TMEM132D: variants seen among roughly 807,000 people sequenced by gnomAD.
TMEM132D encodes the protein transmembrane protein 132D.
A neutral mutation model predicts 62.3 loss-of-function variants in TMEM132D; 21 were observed. The observed-to-expected ratio is 0.34, with a 90% confidence interval of 0.24 to 0.49. The LOEUF (loss-of-function observed/expected upper bound fraction) is 0.49, where lower values mean the gene tolerates loss of function less well. TMEM132D is among the 20% of genes least tolerant of loss of function. TMEM132D has a pLI of 0.99. For synonymous variants in TMEM132D, 621 were observed against 575.6 expected, an observed-to-expected ratio of 1.08 and a Z score of -1.13; for missense variants, 1,346 against 1,402.8, an observed-to-expected ratio of 0.96 and a Z score of 0.65.
intron 3 of TMEM132D, among the ~76,000 whole-genome samples, chr12:129,492,713 A>G (rs1874836050): frequency 6.6e-6 from 1 of 152,036 alleles, no homozygotes; most frequent in Non-Finnish European, 1.5e-5. Context: ...TCTTCTTTGT[A>G]TTTGTTTTGG....
chr12:129,142,536 TTA>T (rs1876775327), intron 5 of TMEM132D, among the ~76,000 whole-genome samples: 1 of 152,218 alleles, frequency 6.6e-6, no homozygotes, highest in Non-Finnish European at 1.5e-5. Flanking sequence ...GTGATTCTAA[TTA>T]TATGTTTAGA....
In TMEM132D at chr12:129,724,801, G is replaced by T. The variant is rs144223700; in HGVS notation, c.80-24103C>A. On this transcript the variant is annotated intron_variant, in intron 1 of 8. Coordinates refer to ENST00000422113, the MANE Select transcript of TMEM132D (RefSeq NM_133448.3). The stretch of plus-strand genomic sequence containing the variant: ...GCCTCCTAAAGTGCTGGGATTACAG[G>T]CATGAGCCACCGTGCCTGGCCTTGT... Among the ~76,000 whole-genome samples the T allele has an allele frequency of 7.2e-3, 1,090 of 152,280 alleles. 17 individuals carry two copies. Among genetic ancestry groups the T allele is most frequent in the African/African-American group, 0.025 (1,022 of 41,546 alleles).
intron 1 of TMEM132D, chr12:129,840,143 A>T (rs1873144491): frequency 6.6e-6 from 1 of 152,242 alleles, no homozygotes; most frequent in South Asian, 2.1e-4. Context: ...TATAAATCAA[A>T]GCTCTGTTTT....
intron 3 of TMEM132D, among the ~76,000 whole-genome samples, chr12:129,384,733 A>G (rs755940200): frequency 1.1e-4 from 17 of 152,156 alleles, no homozygotes; most frequent in Non-Finnish European, 1.9e-4. Context: ...TCTGCATTCA[A>G]ACACAGTCTC....
chr12:129,241,134 T>G (rs913279898), intron 4 of TMEM132D, among the ~76,000 whole-genome samples: 1 of 143,038 alleles, frequency 7.0e-6, no homozygotes, highest in Non-Finnish European at 1.5e-5. Context: ...CTTACCATGC[T>G]TCAGCCCTCT....
rs570460293 is a variant in TMEM132D at position 129,195,552 on chromosome 12, A to G, written c.1443+13968T>C. ...AAAGCAACAAGGAGAAGCTCATAGG[A>G]AATTCATATTACCTTGTGACCCTGA... On this transcript the variant is annotated intron_variant, in intron 5 of 8. Coordinates refer to ENST00000422113, the MANE Select transcript of TMEM132D (RefSeq NM_133448.3). Among the ~76,000 whole-genome samples, 61 of 152,226 alleles carry G rather than the reference A, an allele frequency of 4.0e-4. No individual in the cohort carries two copies. The South Asian group carries it at 7.3e-3, about 18-fold the overall frequency.
intron 1 of TMEM132D, among the ~76,000 whole-genome samples, chr12:129,785,457 G>A (rs540524191): frequency 8.5e-5 from 13 of 152,324 alleles, no homozygotes; most frequent in African/African-American, 2.9e-4. Flanking sequence ...TGAGGATCAC[G>A]TAGCGCACAG....
chr12:129,832,726 C>T (rs11612851), intron 1 of TMEM132D, among the ~76,000 whole-genome samples: 96,404 of 152,012 alleles, frequency 0.63, 31,421 homozygotes, highest in Middle Eastern at 0.75. Flanking sequence ...TGTTCCATTC[C>T]GCCCGTCACT....
chr12:129,159,950 C>T (rs1383050653), intron 5 of TMEM132D, among the ~76,000 whole-genome samples: 1 of 151,892 alleles, frequency 6.6e-6, no homozygotes, highest in Non-Finnish European at 1.5e-5. Flanking sequence ...CTCATCTCTC[C>T]GTGAAGTAAG....
rs74816606 is a variant in TMEM132D, at chr12:129,447,941, G to A, written c.1115+83118C>T. Among the ~76,000 whole-genome samples, 321 of 152,272 alleles carry A rather than the reference G, an allele frequency of 2.1e-3. 7 individuals are homozygous for A. In the East Asian group the frequency reaches 0.059, roughly 28 times the overall value. On this transcript the variant is annotated intron_variant, in intron 3 of 8. Coordinates refer to ENST00000422113, the MANE Select transcript of TMEM132D (RefSeq NM_133448.3). Reference sequence around the variant, plus strand: ...TCTTTCAGCCTCCAGCAAACAGTGAGTGCTTGACAACAAGAATTATGTCTT... The same window carrying A: ...TCTTTCAGCCTCCAGCAAACAGTGAATGCTTGACAACAAGAATTATGTCTT...
chr12:129,810,777 G>GA (rs1872149475), intron 1 of TMEM132D, among the ~76,000 whole-genome samples: 2 of 152,198 alleles, frequency 1.3e-5, no homozygotes, highest in African/African-American at 4.8e-5. Context: ...ATAGGTTGAA[G>GA]AAAAAACATA....
chr12:129,110,802 C>A (rs1875674207), intron 5 of TMEM132D: 1 of 152,342 alleles, frequency 6.6e-6, no homozygotes, highest in Non-Finnish European at 1.5e-5. Context: ...TGAACAAGCA[C>A]CTTCAGTGAG....
At chr12:129,581,741 T>C (rs1426406557) in intron 2 of TMEM132D, among the ~76,000 whole-genome samples, 2 of 152,210 alleles carry the variant, frequency 1.3e-5, no homozygotes, top group Admixed American at 6.5e-5. Flanking sequence ...TCCTAGTCCA[T>C]TGACTCAAAT....
chr12:129,337,441 G>GCACGCACACACACACACA (rs1555248616), intron 4 of TMEM132D, among the ~76,000 whole-genome samples, 193 bp downstream of exon 4: 1 of 148,112 alleles, frequency 6.8e-6, no homozygotes, highest in East Asian at 2.0e-4. Flanking sequence ...ATACACACAC[G>GCACGCACACACACACACA]CACACACACA....
Position 129,867,716 on chromosome 12 carries a change from T to C in TMEM132D, c.79+35545A>G, listed in dbSNP as rs1160968332. On this transcript the variant is annotated intron_variant, in intron 1 of 8. Transcript: ENST00000422113. This position sits in a 1 kb window ranked among gnomAD's most constrained non-coding sequence, Gnocchi z 4.5. ...TGTATACATACAGCAAATCATCAAA[T>C]TGTACATCTTCAATAGATACAATTT... Among the ~76,000 whole-genome samples the C allele has an allele frequency of 6.6e-6, 1 of 152,218 alleles. No homozygotes were observed. Among genetic ancestry groups the C allele is most frequent in the African/African-American group, 2.4e-5 (1 of 41,452 alleles).
At chr12:129,382,332 T>C (rs371333172) in intron 3 of TMEM132D, among the ~76,000 whole-genome samples, 6 of 152,208 alleles carry the variant, frequency 3.9e-5, no homozygotes, top group East Asian at 3.8e-4. Flanking sequence ...ACAAGGAGTA[T>C]TCAATTACCA....
At chr12:129,426,527 C>T (rs998777183) in intron 3 of TMEM132D, among the ~76,000 whole-genome samples, 1 of 152,134 alleles carries the variant, frequency 6.6e-6, no homozygotes, top group African/African-American at 2.4e-5. Context: ...CTTCAGGCTC[C>T]AAAGGTCCTA....
Position 129,265,212 on chromosome 12 carries a change from G to A in TMEM132D, c.1300-55549C>T, listed in dbSNP as rs534947880. Among the ~76,000 whole-genome samples the A allele has an allele frequency of 7.2e-5, 11 of 152,284 alleles. No homozygotes were observed. In the South Asian group the frequency reaches 2.3e-3, roughly 32 times the overall value. On this transcript the variant is annotated intron_variant, in intron 4 of 8. Transcript: ENST00000422113. ...TGTCAGGCTTCCATGGACCAGCCAG[G>A]GTCATGTGACACACTGGAGCTGGGA...
At chr12:129,686,696 A>G (rs980375695) in intron 2 of TMEM132D, among the ~76,000 whole-genome samples, 1 of 152,198 alleles carries the variant, frequency 6.6e-6, no homozygotes, top group African/African-American at 2.4e-5. Flanking sequence ...CAAATCCCAC[A>G]CAAGCACTCC....
Sources: allele counts gnomAD v4.1 joint callset (sites outside exome capture counted in the v4.1 genomes callset), GRCh38; gene constraint gnomAD v4.1.1; non-coding constraint Gnocchi (gnomAD v3.1); transcripts MANE v1.5; gene names NCBI Gene and HGNC (gene_info 2026-07-23, HGNC 2026-07-21).